The following ADAM19 variants were observed in gnomAD, a reference collection of about 807,000 sequenced individuals.
ADAM19 encodes the protein ADAM metallopeptidase domain 19.
ADAM19 carries 65 observed loss-of-function variants against 114.7 expected under a neutral mutation model. That is an observed-to-expected ratio of 0.57 (90% CI 0.46 to 0.70). ADAM19 has a LOEUF of 0.70. Among genes scored for constraint, ADAM19 ranks in the 30% least tolerant of loss-of-function variants. ADAM19 has a pLI of 0.00. For missense variants in ADAM19, 1,063 were observed against 1,204.7 expected, an observed-to-expected ratio of 0.88 and a Z score of 1.74; for synonymous variants, 466 against 460.5, an observed-to-expected ratio of 1.01 and a Z score of -0.15.
Position 157,477,699 on chromosome 5 carries a change from G to A in ADAM19, c.*3250C>T. Reference sequence around the variant, plus strand: ...TAACACAATTACTGACTTTGGAACTGGTCCCCAGTTTTCAAATTGCAAGTC... The same window carrying A: ...TAACACAATTACTGACTTTGGAACTAGTCCCCAGTTTTCAAATTGCAAGTC... On this transcript the variant is annotated 3_prime_UTR_variant, in exon 23 of 23. Transcript: ENST00000257527. The A allele has an allele frequency of 7.8e-7, 1 of 1,289,708 alleles. No homozygotes were observed. Among genetic ancestry groups the A allele is most frequent in the Non-Finnish European group, 1.0e-6 (1 of 988,836 alleles). 79.9% of individuals were successfully genotyped at this position (1,289,708 alleles called of 1,614,324 possible).
At chr5:157,568,454 G>C (rs1417048630) in intron 2 of ADAM19, 2 of 152,188 alleles carry the variant, frequency 1.3e-5, no homozygotes, top group Non-Finnish European at 2.9e-5. Context: ...CTACTGATGA[G>C]CTTTTCTGAT....
intron 2 of ADAM19, among the ~76,000 whole-genome samples, chr5:157,567,443 G>A (rs1219706881): frequency 1.3e-5 from 2 of 152,148 alleles, no homozygotes; most frequent in Non-Finnish European, 2.9e-5. Flanking sequence ...GAGTTTTTGA[G>A]GCAGTGCCCT....
intron 11 of ADAM19, among the ~76,000 whole-genome samples, chr5:157,505,195 G>A (rs928771325): frequency 6.6e-6 from 1 of 150,922 alleles, no homozygotes; most frequent in Admixed American, 6.6e-5. Context: ...CATGGGTAAT[G>A]TGGCCTGCAA....
chr5:157,488,119 C>T lies in ADAM19; in HGVS notation c.2550+146G>A, dbSNP rs544665476. ...TCCCCACGTTCGTTGCTCTAACCTG[C>T]TGTGCGCCCCCGTATTGACTGAATT... On this transcript the variant is annotated intron_variant, in intron 21 of 22. Transcript: ENST00000257527. The T allele has an allele frequency of 4.4e-5, 34 of 772,704 alleles. No homozygotes were observed. In the African/African-American group the frequency reaches 5.4e-4, roughly 12 times the overall value. 47.9% of individuals were successfully genotyped at this position (772,704 alleles called of 1,614,324 possible).
At position 157,479,404 on chromosome 5, in the gene ADAM19, G is replaced by C. The variant is rs1027562202; in HGVS notation, c.*1545C>G. Reference sequence around the variant, plus strand: ...ACAATTGCTCATGGCAGGATGGGAGGAGGCCCCAGGAAAGCCTCAGAGGAG... The same window carrying C: ...ACAATTGCTCATGGCAGGATGGGAGCAGGCCCCAGGAAAGCCTCAGAGGAG... On this transcript the variant is annotated 3_prime_UTR_variant, in exon 23 of 23. Transcript: ENST00000257527. 1.0e-6 allele frequency: 1 copy of C among 985,912 alleles called. No individual in the cohort carries two copies. The highest frequency in any genetic ancestry group is 1.7e-5 in the African/African-American group (1 of 57,236). The allele number at this position is 985,912 out of a possible 1,614,324, so 61.1% of individuals were successfully genotyped here.
chr5:157,565,228 C>A (rs1757625045), intron 2 of ADAM19, among the ~76,000 whole-genome samples: 1 of 152,094 alleles, frequency 6.6e-6, no homozygotes. Context: ...TAAACCACCT[C>A]CCCACGTCCA....
chr5:157,483,503 T>C (rs1476180360), intron 21 of ADAM19, among the ~76,000 whole-genome samples: 3 of 152,166 alleles, frequency 2.0e-5, no homozygotes, highest in Non-Finnish European at 2.9e-5. Context: ...TAGAGGATAG[T>C]TGACATAAAA....
chr5:157,488,866 T>C (rs7702519), intron 20 of ADAM19, among the ~76,000 whole-genome samples: 83,544 of 151,742 alleles, frequency 0.55, 23,243 homozygotes, highest in East Asian at 0.75. Context: ...CCCGTCTCTA[T>C]TAAAAATACA....
At position 157,570,932 on chromosome 5, in the gene ADAM19, G is replaced by A; in HGVS notation, c.143C>T (p.Pro48Leu). 1.2e-6 allele frequency: 2 copies of A among 1,614,152 alleles called. No individual in the cohort carries two copies. Among genetic ancestry groups the A allele is most frequent in the Non-Finnish European group, 1.7e-6 (2 of 1,180,012 alleles). Residue 48 changes from proline to leucine, a missense_variant, in exon 2 of 23, where the codon CCT becomes CTT. This residue lies in a region of ADAM19 where 615 missense variants were observed against 706.3 expected (regional missense o/e 0.87). Coordinates refer to ENST00000257527, the MANE Select transcript of ADAM19 (RefSeq NM_033274.5). The stretch of plus-strand genomic sequence containing the variant: ...GGGGCTTTCTGAAGTCTTCCACTGA[G>A]GTATGATAAGTTCATGCTGCAGCTT... ...SPKLQHELII[P>L]QWKTSESPVR...
At chr5:157,507,232 T>C in intron 9 of ADAM19, 92 bp from the exon 10 acceptor site, 2 of 1,283,832 alleles carry the variant, frequency 1.6e-6, no homozygotes, top group South Asian at 2.5e-5. Context: ...CGGGGTTCCC[T>C]GGACCCGCTG....
At chr5:157,499,118 G>C (rs1561530745) in intron 13 of ADAM19, among the ~76,000 whole-genome samples, 1 of 152,018 alleles carries the variant, frequency 6.6e-6, no homozygotes, top group Non-Finnish European at 1.5e-5. Context: ...TCCCCTATAA[G>C]CTCTAGTTTC....
In ADAM19 at chr5:157,559,555, G is replaced by A. The variant is rs751765571; in HGVS notation, c.251+4818C>T. Among the ~76,000 whole-genome samples, 10 of 152,306 alleles carry A rather than the reference G, an allele frequency of 6.6e-5. No homozygotes were observed. The South Asian group carries it at 8.3e-4, about 13-fold the overall frequency. On this transcript the variant is annotated intron_variant, in intron 3 of 22. Transcript: ENST00000257527. ...AAGCCAAGAAAGGACAGGATATGGC[G>A]CTGGGGCTCACATAACCCTGTTCAT...
intron 13 of ADAM19, among the ~76,000 whole-genome samples, chr5:157,498,030 G>A (rs1755423931): frequency 6.6e-6 from 1 of 152,194 alleles, no homozygotes; most frequent in South Asian, 2.1e-4. Flanking sequence ...AAGACTGGAA[G>A]AACTTGACCC....
At chr5:157,564,560 G>T (rs1757600895) in intron 2 of ADAM19, 117 bp from the exon 3 acceptor site, 4 of 854,254 alleles carry the variant, frequency 4.7e-6, no homozygotes, top group Admixed American at 1.9e-5. Context: ...AATGAGCAAA[G>T]GTCAATTGCA....
chr5:157,522,650 C>T (rs1349907303), intron 5 of ADAM19, among the ~76,000 whole-genome samples: 1 of 152,096 alleles, frequency 6.6e-6, no homozygotes, highest in Non-Finnish European at 1.5e-5. Context: ...GCCAGGCGTA[C>T]TGGCGGGTGC....
chr5:157,520,106 C>T lies in ADAM19; in HGVS notation c.408-75G>A, dbSNP rs987395931. The T allele has an allele frequency of 2.8e-6, 4 of 1,403,510 alleles. No homozygotes were observed. In the African/African-American group the frequency reaches 5.8e-5, roughly 20 times the overall value. The allele number at this position is 1,403,510 out of a possible 1,614,324, so 86.9% of individuals were successfully genotyped here. ...AAGTCCCTTGTGTAGGTCTTAGTTT[C>T]TCCATATGCAAAATGACATAGTGGG... On this transcript the variant is annotated intron_variant, in intron 5 of 22. Transcript: ENST00000257527.
intron 3 of ADAM19, among the ~76,000 whole-genome samples, chr5:157,543,333 T>C (rs1156559337): frequency 2.6e-5 from 4 of 152,204 alleles, no homozygotes; most frequent in Non-Finnish European, 5.9e-5. Context: ...ATAATCACCA[T>C]CAGTATCACA....
chr5:157,492,004 A>G, intron 16 of ADAM19, 92 bp from the exon 17 acceptor site: 2 of 1,255,018 alleles, frequency 1.6e-6, no homozygotes, highest in Admixed American at 3.6e-5. Context: ...ACATATGAGG[A>G]CCCATGGCCC....
chr5:157,563,764 C>T (rs1424684728), intron 3 of ADAM19, among the ~76,000 whole-genome samples: 1 of 152,264 alleles, frequency 6.6e-6, no homozygotes, highest in East Asian at 1.9e-4. Context: ...TTACATGAAT[C>T]CAGATATGAC....
Sources: gnomAD v4.1 joint callset for allele counts (sites outside exome capture counted in the v4.1 genomes callset) on GRCh38, gnomAD v4.1.1 for gene constraint, gnomAD v4.1.1 regional missense constraint, MANE v1.5 for transcripts, NCBI Gene and HGNC (gene_info 2026-07-23, HGNC 2026-07-21) for gene names.